The following ARHGAP21 variants were observed in gnomAD, a reference collection of about 807,000 sequenced individuals.
ARHGAP21 encodes the protein rho GTPase-activating protein 21.
In ARHGAP21, 38 loss-of-function variants were observed where a neutral mutation model predicts 164.6. That is an observed-to-expected ratio of 0.23 (90% CI 0.18 to 0.30). The LOEUF is 0.30. Ranked by LOEUF, ARHGAP21 falls within the 10% of genes least tolerant of loss-of-function variation. The pLI is 1.00. For missense variants in ARHGAP21, 1,822 were observed against 2,370.7 expected, an observed-to-expected ratio of 0.77 and a Z score of 4.81; for synonymous variants, 766 against 857.9, an observed-to-expected ratio of 0.89 and a Z score of 1.87.
At chr10:24,596,235 A>G in intron 17 of ARHGAP21, 192 bp from the exon 18 acceptor site, 1 of 494,662 alleles carries the variant, frequency 2.0e-6, no homozygotes, top group Non-Finnish European at 3.4e-6. Context: ...GAAGAGAACA[A>G]AGAGACTGAA....
chr10:24,594,191 AAAATC>A (rs1437448200), intron 21 of ARHGAP21, among the ~76,000 whole-genome samples: 1 of 152,242 alleles, frequency 6.6e-6, no homozygotes, highest in East Asian at 1.9e-4. Context: ...CTTGAGTTAG[AAAATC>A]ATCATTTTAA....
intron 2 of ARHGAP21, among the ~76,000 whole-genome samples, chr10:24,687,149 G>A (rs1337954086): frequency 3.9e-5 from 6 of 151,906 alleles, no homozygotes; most frequent in Non-Finnish European, 5.9e-5. Flanking sequence ...AGGTCTGGGT[G>A]ATGGAGACCC....
At chr10:24,666,503 GTTA>G (rs1253565489) in intron 4 of ARHGAP21, among the ~76,000 whole-genome samples, 2 of 152,146 alleles carry the variant, frequency 1.3e-5, no homozygotes, top group Non-Finnish European at 2.9e-5. Flanking sequence ...TTTAAAATCA[GTTA>G]TTAAGAAATA....
At chr10:24,663,551 CAG>C (rs1160962279) in intron 4 of ARHGAP21, among the ~76,000 whole-genome samples, 1 of 152,142 alleles carries the variant, frequency 6.6e-6, no homozygotes, top group Admixed American at 6.6e-5. Context: ...TATTTTGAGA[CAG>C]AGTCTTGCTC....
rs763116326 is a variant in ARHGAP21, at chr10:24,597,484, A to G, written c.3297T>C (p.Ser1099=). 6 of 1,613,934 alleles carry G rather than the reference A, an allele frequency of 3.7e-6. No individual in the cohort carries two copies. Among genetic ancestry groups the G allele is most frequent in the Admixed American group, 1.7e-5 (1 of 59,984 alleles). The change falls in exon 16 of 26, where the codon TCT becomes TCC. Residue 1099 remains serine, a synonymous_variant. Coordinates refer to ENST00000396432, the MANE Select transcript of ARHGAP21 (RefSeq NM_020824.4). ...GTTTCCTTTCCGACTCTTCCTTCGGAGAGTGTGGGCTTTGAGTCTTTGGCT... is the reference window on the plus strand; with the variant it reads ...GTTTCCTTTCCGACTCTTCCTTCGGGGAGTGTGGGCTTTGAGTCTTTGGCT... ...KSEPKTQSPH[S]PKEESERKLL... is the part of the protein sequence containing the mutation.
intron 24 of ARHGAP21, chr10:24,590,591 G>T: frequency 7.0e-7 from 1 of 1,432,306 alleles, no homozygotes. Flanking sequence ...CAACATGCTA[G>T]ATTAGTGCAA....
intron 2 of ARHGAP21, among the ~76,000 whole-genome samples, chr10:24,715,994 G>A (rs1319154107): frequency 1.3e-5 from 2 of 152,182 alleles, no homozygotes; most frequent in Non-Finnish European, 2.9e-5. Context: ...GCGTGACAAT[G>A]CAAGGCTCTG....
intron 4 of ARHGAP21, among the ~76,000 whole-genome samples, chr10:24,662,964 A>ATT (rs5783902): frequency 0.019 from 2,700 of 145,528 alleles, 53 homozygotes; most frequent in African/African-American, 0.054. Flanking sequence ...AGATATGCGG[A>ATT]TTTTTTTTTT....
intron 25 of ARHGAP21, 35 bp downstream of exon 25, chr10:24,589,236 C>A: frequency 6.4e-7 from 1 of 1,567,836 alleles, no homozygotes; most frequent in Middle Eastern, 1.7e-4. Flanking sequence ...AACAATTCCC[C>A]CCTAAAATAT....
intron 4 of ARHGAP21, among the ~76,000 whole-genome samples, chr10:24,644,044 G>A (rs1837334199): frequency 6.6e-6 from 1 of 151,954 alleles, no homozygotes; most frequent in Admixed American, 6.6e-5. Flanking sequence ...GCTGTTCCAT[G>A]CTGATTTCCT....
chr10:24,695,510 A>C (rs1482154094), intron 2 of ARHGAP21, among the ~76,000 whole-genome samples: 1 of 151,838 alleles, frequency 6.6e-6, no homozygotes, highest in African/African-American at 2.4e-5. Flanking sequence ...CAGAGGTTGC[A>C]GTAAGCTGAG....
chr10:24,624,416 T>C (rs1834889480), intron 7 of ARHGAP21, among the ~76,000 whole-genome samples: 1 of 146,854 alleles, frequency 6.8e-6, no homozygotes, highest in South Asian at 2.2e-4. Context: ...CTTGGCTCAC[T>C]GCAACCTGTG....
chr10:24,612,689 C>T (rs908775051), intron 9 of ARHGAP21, among the ~76,000 whole-genome samples: 1 of 151,704 alleles, frequency 6.6e-6, no homozygotes, highest in African/African-American at 2.4e-5. Context: ...CCCGTCTCTA[C>T]TAAAAATACA....
intron 25 of ARHGAP21, among the ~76,000 whole-genome samples, chr10:24,587,096 A>G (rs1017911191): frequency 3.3e-5 from 5 of 152,166 alleles, no homozygotes; most frequent in Admixed American, 3.3e-4. Flanking sequence ...CTTACCACAG[A>G]AACACTGTAG....
intron 4 of ARHGAP21, among the ~76,000 whole-genome samples, chr10:24,663,944 G>A (rs1325263257): frequency 6.6e-6 from 1 of 152,166 alleles, no homozygotes; most frequent in Non-Finnish European, 1.5e-5. Context: ...ATAAAGATGT[G>A]TATAAAGAGG....
chr10:24,592,839 T>TACATCAAAATCACTA (rs1262703552), intron 21 of ARHGAP21, among the ~76,000 whole-genome samples: 1 of 152,164 alleles, frequency 6.6e-6, no homozygotes, highest in Non-Finnish European at 1.5e-5. Flanking sequence ...TTCCCTCTAG[T>TACATCAAAATCACTA]ACATCAAAAT....
At chr10:24,654,912 CAAA>C (rs1838636395) in intron 4 of ARHGAP21, among the ~76,000 whole-genome samples, 12 of 152,234 alleles carry the variant, frequency 7.9e-5, no homozygotes, top group Admixed American at 5.9e-4. Context: ...GTACTGGTAC[CAAA>C]ACAGAGATAT....
intron 22 of ARHGAP21, 83 bp from the exon 23 acceptor site, chr10:24,591,766 T>TA: frequency 6.3e-7 from 1 of 1,597,972 alleles, no homozygotes; most frequent in East Asian, 2.2e-5. Context: ...AGAAAAAGGG[T>TA]AATTTTCTTA....
intron 3 of ARHGAP21, 21 bp downstream of exon 3, chr10:24,670,197 T>C (rs1195973874): frequency 6.6e-7 from 1 of 1,514,676 alleles, no homozygotes; most frequent in African/African-American, 1.4e-5. Flanking sequence ...TTTTTCAAGT[T>C]GCGGTAACTA....
Sources: gnomAD v4.1 joint callset for allele counts (sites outside exome capture counted in the v4.1 genomes callset) on GRCh38, gnomAD v4.1.1 for gene constraint, MANE v1.5 for transcripts, NCBI Gene and HGNC (gene_info 2026-07-23, HGNC 2026-07-21) for gene names.